MYLIP: variants seen among roughly 807,000 people sequenced by gnomAD.
The protein encoded by MYLIP is E3 ubiquitin-protein ligase MYLIP.
A neutral mutation model predicts 45.8 loss-of-function variants in MYLIP; 26 were observed. That is an observed-to-expected ratio of 0.57 (90% CI 0.42 to 0.79). The LOEUF (loss-of-function observed/expected upper bound fraction) is 0.79, where lower values mean the gene tolerates loss of function less well. MYLIP is among the 30% of genes least tolerant of loss of function. The pLI is 0.00. For missense variants in MYLIP, 494 were observed against 555.6 expected (o/e 0.89, Z 1.11); for synonymous variants, 213 against 218.1 (o/e 0.98, Z 0.21).
intron 2 of MYLIP, among the ~76,000 whole-genome samples, chr6:16,141,092 T>C (rs1759661674): frequency 6.6e-6 from 1 of 151,858 alleles, no homozygotes; most frequent in South Asian, 2.1e-4. Context: ...ATATATGGAG[T>C]TTGGTTTTGA....
intron 2 of MYLIP, among the ~76,000 whole-genome samples, chr6:16,132,704 A>T (rs1759481924): frequency 6.6e-6 from 1 of 152,208 alleles, no homozygotes; most frequent in Admixed American, 6.5e-5. Flanking sequence ...CCAGTTTACA[A>T]TTAGCATTGT....
At chr6:16,163,391 G>A in the MYLIP span, 1 of 152,042 alleles carries the variant, frequency 6.6e-6, no homozygotes, top group Non-Finnish European at 1.5e-5. Context: ...ATCACCTGTG[G>A]GCTTTTGCTA....
At position 16,129,658 on chromosome 6, in the gene MYLIP, G is replaced by A. The variant is rs1759416258; in HGVS notation, c.87+249G>A. Among the ~76,000 whole-genome samples, 1 of 152,192 alleles carries A rather than the reference G, an allele frequency of 6.6e-6. No homozygotes were observed. The highest frequency in any genetic ancestry group is 2.1e-4 in the South Asian group (1 of 4,836). ...GAGGGCCGGGCGCAGCCCGCAGCCG[G>A]GATCCACCCCCCAGCGCCCCATCAT... On this transcript the variant is annotated intron_variant, in intron 1 of 6. Transcript: ENST00000356840. This position sits in a 1 kb window ranked among gnomAD's most constrained non-coding sequence, Gnocchi z 5.1.
At chr6:16,156,618 C>T in the MYLIP span, among the ~76,000 whole-genome samples, 1 of 152,220 alleles carries the variant, frequency 6.6e-6, no homozygotes, top group East Asian at 1.9e-4. Flanking sequence ...TGCTCAACTA[C>T]AGCTATAAAA....
At chr6:16,150,644 C>T (rs781281854), downstream of MYLIP, among the ~76,000 whole-genome samples, 3 of 151,874 alleles carry the variant, frequency 2.0e-5, no homozygotes, top group Non-Finnish European at 4.4e-5. Flanking sequence ...AGAGGGTGAA[C>T]GAAGATTCAG....
the MYLIP span, among the ~76,000 whole-genome samples, chr6:16,158,854 A>T: frequency 1.3e-5 from 2 of 152,216 alleles, 1 homozygote; most frequent in Non-Finnish European, 2.9e-5. Context: ...TGGGCGGCAG[A>T]GCAAGACTCC....
downstream of MYLIP, among the ~76,000 whole-genome samples, chr6:16,149,985 G>T (rs969723827): frequency 6.6e-6 from 1 of 152,182 alleles, no homozygotes; most frequent in African/African-American, 2.4e-5. Context: ...AGTTGAAAGC[G>T]TGGGTTGGAA....
chr6:16,143,573 A>T, intron 4 of MYLIP, 126 bp from the exon 5 acceptor site: 1 of 960,490 alleles, frequency 1.0e-6, no homozygotes, highest in Non-Finnish European at 1.5e-6. Flanking sequence ...TGGTGATGTG[A>T]TAACCCCAGA....
chr6:16,132,221 T>C (rs1166040102), intron 2 of MYLIP, among the ~76,000 whole-genome samples: 1 of 152,262 alleles, frequency 6.6e-6, no homozygotes, highest in African/African-American at 2.4e-5. Flanking sequence ...GCTGCAGTGA[T>C]AATAGCATAA....
At chr6:16,148,787 T>C (rs1013680729), downstream of MYLIP, among the ~76,000 whole-genome samples, 1 of 152,208 alleles carries the variant, frequency 6.6e-6, no homozygotes, top group African/African-American at 2.4e-5. Flanking sequence ...GCTGGTCTAC[T>C]CCTGCTAGGT....
At chr6:16,149,764 C>T (rs901194224), downstream of MYLIP, among the ~76,000 whole-genome samples, 3 of 152,164 alleles carry the variant, frequency 2.0e-5, no homozygotes, top group Non-Finnish European at 4.4e-5. Context: ...CATCTGTCAA[C>T]ATGAAAAGAA....
rs765116596 is a variant in MYLIP at position 16,135,748 on chromosome 6, C to CATAT, written c.278+5004_278+5007dup. Among the ~76,000 whole-genome samples the CATAT allele has an allele frequency of 6.4e-3, 728 of 113,126 alleles. 25 individuals carry two copies. Among genetic ancestry groups the CATAT allele is most frequent in the African/African-American group, 0.019 (617 of 31,962 alleles). The allele number at this position is 113,126 out of a possible 152,430, so 74.2% of individuals were successfully genotyped here. On this transcript the variant is annotated intron_variant, in intron 2 of 6. Coordinates refer to ENST00000356840, the MANE Select transcript of MYLIP (RefSeq NM_013262.4). ...TACACACATTATATGTGTGTGTATA[C>CATAT]ATATATCTATATATATATATATATA...
downstream of MYLIP, chr6:16,148,397 A>G (rs1759838116): frequency 2.0e-5 from 3 of 151,750 alleles, no homozygotes; most frequent in South Asian, 6.3e-4. Context: ...AATTCAGAGA[A>G]ACTTCTTTAG....
chr6:16,151,445 T>C (rs547112545), downstream of MYLIP, among the ~76,000 whole-genome samples: 3 of 152,246 alleles, frequency 2.0e-5, no homozygotes, highest in African/African-American at 4.8e-5. Context: ...CAAGGGATAT[T>C]TGTGTGTTTG....
chr6:16,151,873 G>A (rs2113594688), downstream of MYLIP, among the ~76,000 whole-genome samples: 1 of 152,262 alleles, frequency 6.6e-6, no homozygotes, highest in African/African-American at 2.4e-5. Flanking sequence ...ACTTAAAGGG[G>A]GAAGCTCTTT....
the MYLIP span, among the ~76,000 whole-genome samples, chr6:16,162,276 C>T: frequency 7.4e-3 from 1,132 of 152,238 alleles, 27 homozygotes; most frequent in Admixed American, 0.052. Context: ...TATGTTCAGG[C>T]TCAGAGCAGA....
At chr6:16,148,803 C>T (rs1023706176), downstream of MYLIP, among the ~76,000 whole-genome samples, 6 of 152,310 alleles carry the variant, frequency 3.9e-5, no homozygotes, top group South Asian at 6.2e-4. Context: ...TAGGTCCTAA[C>T]TGCTCTATGC....
chr6:16,129,225 C>A lies in MYLIP; in HGVS notation c.-98C>A. The A allele has an allele frequency of 7.6e-7, 1 of 1,308,418 alleles. No homozygotes were observed. The highest frequency in any genetic ancestry group is 1.1e-6 in the Non-Finnish European group (1 of 940,202). The allele number at this position is 1,308,418 out of a possible 1,614,324, so 81.1% of individuals were successfully genotyped here. A position where few individuals can be genotyped will look rare whatever the true frequency, so the allele number is the denominator to read the frequency against. On this transcript the variant is annotated 5_prime_UTR_variant, in exon 1 of 7. Transcript: ENST00000356840. The surrounding 1 kb of genome is among the most constrained non-coding windows in gnomAD (Gnocchi z 5.1). ...CAGAGCTGCAGCCTTCGAGGGCCAG[C>A]CCTCTCCGAGTCCGGGGCTGGGTCC...
At chr6:16,137,810 TTGAA>T (rs1257139074) in intron 2 of MYLIP, among the ~76,000 whole-genome samples, 1 of 152,174 alleles carries the variant, frequency 6.6e-6, no homozygotes, top group African/African-American at 2.4e-5. Flanking sequence ...TTGAAGTACT[TTGAA>T]AGAAAAATAT....
Sources: gnomAD v4.1 joint callset for allele counts (sites outside exome capture counted in the v4.1 genomes callset) on GRCh38, gnomAD v4.1.1 for gene constraint, Gnocchi (gnomAD v3.1) non-coding constraint, MANE v1.5 for transcripts, NCBI Gene and HGNC (gene_info 2026-07-23, HGNC 2026-07-21) for gene names.